DENND5A: variants seen among roughly 807,000 people sequenced by gnomAD.
DENND5A encodes the protein DENN domain containing 5A, also known as DENN domain-containing protein 5A.
DENND5A carries 64 observed loss-of-function variants against 140.3 expected under a neutral mutation model. The observed-to-expected ratio is 0.46, with a 90% CI of 0.37 to 0.56. DENND5A has a LOEUF of 0.56. Ranked by LOEUF, DENND5A falls within the 20% of genes least tolerant of loss-of-function variation. The probability of loss-of-function intolerance (pLI) is 0.00; values close to 1 mark genes in which losing one functional copy is unlikely to be tolerated. For missense variants in DENND5A, 1,292 were observed against 1,593.8 expected (o/e 0.81, Z 3.22); for synonymous variants, 605 against 607.7 (o/e 1.00, Z 0.07).
rs1847785093 is a variant in DENND5A, at chr11:9,155,866, T to TGCAG, written c.2437-3428_2437-3425dup. ...AACAGAGGTTCTTATGAAGACTTGCTGCAGGCAGCCTTACATCCAAGCAGT... is the reference window on the plus strand; with the variant it reads ...AACAGAGGTTCTTATGAAGACTTGCTGCAGGCAGGCAGCCTTACATCCAAGCAGT... On this transcript the variant is annotated intron_variant, in intron 12 of 22. Transcript: ENST00000328194. 1.4e-4 allele frequency among the ~76,000 whole-genome samples: 22 copies of TGCAG among 152,358 alleles called. No homozygotes were observed. The South Asian group carries it at 4.6e-3, about 32-fold the overall frequency.
At position 9,203,955 on chromosome 11, in the gene DENND5A, T is replaced by G. The variant is rs1248914284; in HGVS notation, c.654A>C (p.Ala218=). 1 of 1,614,036 alleles carries G rather than the reference T, an allele frequency of 6.2e-7. No individual in the cohort carries two copies. The highest frequency in any genetic ancestry group is 1.3e-5 in the African/African-American group (1 of 74,936). ...GGAGTTGCTCCAGCACGCTCCGACA[T>G]GCCTTCATGAAAGACATGGGTGTGA... ...CLITPMSFMK[A]CRSVLEQLHQ... is the part of the protein sequence containing the mutation. Residue 218 remains alanine, a synonymous_variant, in exon 4 of 23, where the codon GCA becomes GCC. Coordinates refer to ENST00000328194, the MANE Select transcript of DENND5A (RefSeq NM_015213.4).
At chr11:9,178,665 C>T (rs1032906907) in intron 7 of DENND5A, among the ~76,000 whole-genome samples, 193 bp downstream of exon 7, 7 of 152,152 alleles carry the variant, frequency 4.6e-5, no homozygotes, top group South Asian at 4.1e-4. Flanking sequence ...GAAGGTAAAT[C>T]GTCTGATAAT....
At chr11:9,223,176 C>G (rs1252934640) in intron 1 of DENND5A, among the ~76,000 whole-genome samples, 1 of 151,378 alleles carries the variant, frequency 6.6e-6, no homozygotes, top group Non-Finnish European at 1.5e-5. Flanking sequence ...ATCACTTGAG[C>G]TGAGGAGTTC....
Position 9,179,057 on chromosome 11 carries a change from T to A in DENND5A, c.1472A>T (p.Asp491Val). The change falls in exon 7 of 23, where the codon GAC becomes GTC. Residue 491 changes from aspartate (D) to valine (V), a missense_variant. Physicochemically the swap from Asp to Val is radical, Grantham distance 152. Transcript: ENST00000328194. ...TTTGAGATCCTTATTGCTGCTGGGG[T>A]CTTCACGCACTTCCAACTACAAAAA... ...VSLEKLEVRE[D>V]PSSNKDLKVQ... The A allele has an allele frequency of 6.2e-7, 1 of 1,613,986 alleles. No individual in the cohort carries two copies. Among genetic ancestry groups the A allele is most frequent in the South Asian group, 1.1e-5 (1 of 91,082 alleles).
rs565731203 is a variant in DENND5A, at chr11:9,159,482, C to T, written c.2436+1231G>A. ...ATTACAGGCATGCACCACCACCTGG[C>T]TAATTTTGTATTTTTGGTAGAGACG... is the stretch of plus-strand genomic sequence containing the variant. On this transcript the variant is annotated intron_variant, in intron 12 of 22. Coordinates refer to ENST00000328194, the MANE Select transcript of DENND5A (RefSeq NM_015213.4). Among the ~76,000 whole-genome samples the T allele has an allele frequency of 9.2e-5, 14 of 152,082 alleles. No homozygotes were observed. The East Asian group carries it at 2.7e-3, about 29-fold the overall frequency.
rs113952847 is a variant in DENND5A, at chr11:9,251,617, C to G, written c.109+13344G>C. Among the ~76,000 whole-genome samples, 217 of 152,298 alleles carry G rather than the reference C, an allele frequency of 1.4e-3. 1 individual carries two copies. Among genetic ancestry groups the G allele is most frequent in the Non-Finnish European group, 2.3e-3 (158 of 68,020 alleles). ...TCATAAGACTCAGCCCAGGGTTCTA[C>G]ATACGCCAAATGAAAATCAGCAACC... is the stretch of plus-strand genomic sequence containing the variant. On this transcript the variant is annotated intron_variant, in intron 1 of 22. Transcript: ENST00000328194.
intron 1 of DENND5A, among the ~76,000 whole-genome samples, chr11:9,249,558 AT>A (rs991795343): frequency 6.6e-6 from 1 of 151,506 alleles, no homozygotes; most frequent in African/African-American, 2.4e-5. Flanking sequence ...ATTTTATTGT[AT>A]TTTTTTGAGA....
intron 12 of DENND5A, among the ~76,000 whole-genome samples, chr11:9,156,330 A>G (rs1169428990): frequency 6.6e-6 from 1 of 152,176 alleles, no homozygotes; most frequent in African/African-American, 2.4e-5. Flanking sequence ...TGGAACCTCA[A>G]CTAAAAAGCC....
Position 9,141,924 on chromosome 11 carries a change from C to A in DENND5A, c.3680+16G>T, listed in dbSNP as rs974837433. ...AGGCTAACCGCTGTGCACTCTGGGCCCTGGGTCTGCAGTACCTGGCTCCCA... is the reference window on the plus strand; with the variant it reads ...AGGCTAACCGCTGTGCACTCTGGGCACTGGGTCTGCAGTACCTGGCTCCCA... On this transcript the variant is annotated intron_variant, in intron 22 of 22. Transcript: ENST00000328194. 35 of 1,565,068 alleles carry A rather than the reference C, an allele frequency of 2.2e-5. No homozygotes were observed. Among genetic ancestry groups the A allele is most frequent in the Non-Finnish European group, 3.0e-5 (35 of 1,153,620 alleles).
intron 1 of DENND5A, among the ~76,000 whole-genome samples, chr11:9,211,190 G>A (rs538003654): frequency 6.2e-4 from 94 of 152,150 alleles, no homozygotes; most frequent in African/African-American, 2.2e-3. Context: ...GAAACCAGAG[G>A]GCAAATTTTA....
chr11:9,233,398 CAAAAAAAAA>C (rs1001576602), intron 1 of DENND5A, among the ~76,000 whole-genome samples: 1 of 54,088 alleles, frequency 1.8e-5, no homozygotes, highest in Non-Finnish European at 4.0e-5. Context: ...GACTCTGTCT[CAAAAAAAAA>C]AAAAAAAAAA....
intron 1 of DENND5A, 38 bp downstream of exon 1, chr11:9,264,923 G>A: frequency 6.7e-7 from 1 of 1,489,142 alleles, no homozygotes; most frequent in Non-Finnish European, 9.1e-7. Flanking sequence ...CGACGACAGC[G>A]GGCGCGGGAA....
intron 1 of DENND5A, among the ~76,000 whole-genome samples, chr11:9,208,288 C>G (rs1444839461): frequency 6.6e-6 from 1 of 152,210 alleles, no homozygotes; most frequent in African/African-American, 2.4e-5. Flanking sequence ...GATCTTTCAC[C>G]TACGTGGCCT....
rs141916292 is a variant in DENND5A, at chr11:9,243,642, C to T, written c.109+21319G>A. ...GTGGCTCACACCTGCAATCCCAGCA[C>T]GTTGGGAGGCCAAGGTAGGCGGATT... On this transcript the variant is annotated intron_variant, in intron 1 of 22. Coordinates refer to ENST00000328194, the MANE Select transcript of DENND5A (RefSeq NM_015213.4). Among the ~76,000 whole-genome samples the T allele has an allele frequency of 2.3e-3, 350 of 152,290 alleles. 2 individuals carry two copies. The highest frequency in any genetic ancestry group is 8.0e-3 in the African/African-American group (334 of 41,574).
chr11:9,226,913 AATCCC>A (rs1283209630), intron 1 of DENND5A, among the ~76,000 whole-genome samples: 1 of 152,184 alleles, frequency 6.6e-6, no homozygotes, highest in African/African-American at 2.4e-5. Context: ...TCACACCTGT[AATCCC>A]AGCACTTTGG....
intron 1 of DENND5A, chr11:9,242,947 G>A (rs1361452208): frequency 6.6e-6 from 1 of 151,868 alleles, no homozygotes; most frequent in Non-Finnish European, 1.5e-5. Context: ...AATTAGCCAG[G>A]CGTGGTGGCA....
chr11:9,235,625 T>C (rs1478710289), intron 1 of DENND5A, among the ~76,000 whole-genome samples: 1 of 147,276 alleles, frequency 6.8e-6, no homozygotes, highest in African/African-American at 2.5e-5. Flanking sequence ...GCCACTGCAC[T>C]CCAGCCTGGG....
intron 1 of DENND5A, among the ~76,000 whole-genome samples, chr11:9,232,585 G>A (rs1850818194): frequency 6.6e-6 from 1 of 152,156 alleles, no homozygotes; most frequent in South Asian, 2.1e-4. Flanking sequence ...AGTTGGTAAG[G>A]ATAGGGAGTA....
intron 6 of DENND5A, 150 bp from the exon 7 acceptor site, chr11:9,179,223 A>C: frequency 3.0e-6 from 2 of 661,372 alleles, no homozygotes; most frequent in Non-Finnish European, 5.0e-6. Flanking sequence ...AAACTGGAAA[A>C]AATAAATAAA....
Sources: allele counts gnomAD v4.1 joint callset (sites outside exome capture counted in the v4.1 genomes callset), GRCh38; gene constraint gnomAD v4.1.1; transcripts MANE v1.5; gene names NCBI Gene and HGNC (gene_info 2026-07-23, HGNC 2026-07-21).